NBR1: variants seen among roughly 807,000 people sequenced by gnomAD.
NBR1 encodes the protein NBR1 autophagy cargo receptor.
In NBR1, 59 loss-of-function variants were observed where a neutral mutation model predicts 115.5. The observed-to-expected ratio is 0.51, with a 90% CI of 0.41 to 0.63. The LOEUF (loss-of-function observed/expected upper bound fraction) is 0.63. Ranked by LOEUF, NBR1 falls within the 30% of genes least tolerant of loss-of-function variation. The pLI is 0.00. For missense variants in NBR1, 1,043 were observed against 1,150.5 expected (o/e 0.91, Z 1.35); for synonymous variants, 373 against 414.7 (o/e 0.90, Z 1.22).
chr17:43,176,128 G>A, intron 2 of NBR1: 1 of 419,360 alleles, frequency 2.4e-6, no homozygotes, highest in East Asian at 4.0e-5. Flanking sequence ...AGAAAGGGAA[G>A]GTAAAATTGT....
At chr17:43,172,630 G>A (rs959403320) in intron 1 of NBR1, among the ~76,000 whole-genome samples, 5 of 152,094 alleles carry the variant, frequency 3.3e-5, no homozygotes, top group Non-Finnish European at 5.9e-5. Context: ...CAGGATTGTT[G>A]TTAAGAGACT....
chr17:43,178,001 A>G lies in NBR1; in HGVS notation c.165+3A>G. 1 of 1,573,708 alleles carries G rather than the reference A, an allele frequency of 6.4e-7. No individual in the cohort carries two copies. The highest frequency in any genetic ancestry group is 1.1e-5 in the South Asian group (1 of 90,174). On this transcript the variant is annotated splice_donor_region_variant and intron_variant, in intron 3 of 20. Transcript: ENST00000590996. ...ACCTGGATGAGGAAAATGAAGAGGT[A>G]AAATATATTATGGCACTTATTGCTA... is the stretch of plus-strand genomic sequence containing the variant.
rs200135450 is a variant in NBR1, at chr17:43,193,119, G to A, written c.1099G>A (p.Val367Ile). 115 of 1,613,818 alleles carry A rather than the reference G, an allele frequency of 7.1e-5. No homozygotes were observed. In the African/African-American group the frequency reaches 9.7e-4, roughly 14 times the overall value. The change falls in exon 11 of 21, where the codon GTT becomes ATT. Residue 367 changes from valine (V) to isoleucine (I), a missense_variant. Coordinates refer to ENST00000590996, the MANE Select transcript of NBR1 (RefSeq NM_005899.5). The part of the protein sequence containing the change: ...LMLPLQPCTS[V>I]MPMLSAAFVD... Reference sequence around the variant, plus strand: ...GCTCCCTTTGCAGCCCTGTACCTCCGTTATGCCAATGCTCAGTGCAGCATT... The same window carrying A: ...GCTCCCTTTGCAGCCCTGTACCTCCATTATGCCAATGCTCAGTGCAGCATT...
intron 20 of NBR1, among the ~76,000 whole-genome samples, chr17:43,206,738 G>A (rs2057325632): frequency 2.6e-5 from 4 of 151,878 alleles, no homozygotes; most frequent in Non-Finnish European, 4.4e-5. Flanking sequence ...GATGGAAATG[G>A]CATAACTTTG....
In NBR1 at chr17:43,193,109, C is replaced by T; in HGVS notation, c.1089C>T (p.Pro363=). Residue 363 remains proline, a synonymous_variant, in exon 11 of 21, where the codon CCC becomes CCT. Coordinates refer to ENST00000590996, the MANE Select transcript of NBR1 (RefSeq NM_005899.5). The part of the protein sequence containing the change: ...QSNTLMLPLQ[P]CTSVMPMLSA... ...TTCTGTTCAGGCTCCCTTTGCAGCC[C>T]TGTACCTCCGTTATGCCAATGCTCA... The T allele has an allele frequency of 6.2e-7, 1 of 1,613,936 alleles. No individual in the cohort carries two copies. The highest frequency in any genetic ancestry group is 8.5e-7 in the Non-Finnish European group (1 of 1,179,864).
At chr17:43,175,224 G>A (rs1481306345) in intron 1 of NBR1, among the ~76,000 whole-genome samples, 7 of 152,188 alleles carry the variant, frequency 4.6e-5, no homozygotes, top group African/African-American at 7.2e-5. Context: ...TGGCCTGTAA[G>A]TTCGTAAAAC....
intron 5 of NBR1, among the ~76,000 whole-genome samples, chr17:43,185,961 A>G (rs996631766): frequency 6.6e-6 from 1 of 152,036 alleles, no homozygotes. Flanking sequence ...AGACCGTGCC[A>G]TTGCACTCCA....
At chr17:43,188,717 A>C (rs1163985922) in intron 6 of NBR1, among the ~76,000 whole-genome samples, 1 of 152,180 alleles carries the variant, frequency 6.6e-6, no homozygotes, top group African/African-American at 2.4e-5. Flanking sequence ...TAAATAGGGA[A>C]TCCTTTCCCC....
At chr17:43,188,541 A>G (rs1012506104) in intron 6 of NBR1, among the ~76,000 whole-genome samples, 7 of 152,108 alleles carry the variant, frequency 4.6e-5, no homozygotes, top group African/African-American at 1.2e-4. Flanking sequence ...GCCCCTGCCT[A>G]TGTCCTAAAT....
intron 6 of NBR1, among the ~76,000 whole-genome samples, chr17:43,187,011 T>C (rs1294409947): frequency 1.3e-5 from 2 of 152,184 alleles, no homozygotes; most frequent in Non-Finnish European, 2.9e-5. Context: ...GCAGAATGAT[T>C]TATAACCCTT....
chr17:43,191,758 G>T (rs1411144725), intron 10 of NBR1, among the ~76,000 whole-genome samples, 177 bp downstream of exon 10: 2 of 152,178 alleles, frequency 1.3e-5, no homozygotes, highest in African/African-American at 4.8e-5. Context: ...GTCTTGCTCT[G>T]TCACCCAGGC....
chr17:43,170,467 G>A (rs1324322870), upstream of NBR1: 2 of 154,056 alleles, frequency 1.3e-5, no homozygotes, highest in African/African-American at 2.4e-5. Flanking sequence ...TCCAGTTGCG[G>A]CTTATTACGT....
intron 20 of NBR1, among the ~76,000 whole-genome samples, chr17:43,207,945 G>A (rs542031487): frequency 2.0e-5 from 3 of 152,266 alleles, no homozygotes; most frequent in Non-Finnish European, 4.4e-5. Context: ...CCATCTGATG[G>A]AATGAGATGA....
Position 43,200,245 on chromosome 17 carries a change from T to C in NBR1, c.2105T>C (p.Met702Thr). 1 of 1,551,492 alleles carries C rather than the reference T, an allele frequency of 6.4e-7. No individual in the cohort carries two copies. The part of the protein sequence containing the change: ...IIHIAEEEAV[M>T]EEEEDEEDEE... ...CATATCGCTGAGGAAGAAGCTGTCA[T>C]GGAGGAGGAGGAGGATGAGGAGGAT... The change falls in exon 17 of 21, where the codon ATG becomes ACG. Residue 702 changes from methionine (M) to threonine (T), a missense_variant. Coordinates refer to ENST00000590996, the MANE Select transcript of NBR1 (RefSeq NM_005899.5).
chr17:43,194,203 T>A, intron 12 of NBR1, 147 bp from the exon 13 acceptor site: 1 of 766,718 alleles, frequency 1.3e-6, no homozygotes. Context: ...TTTTTACAAC[T>A]TTTTCTATAA....
chr17:43,200,754 G>A, intron 17 of NBR1, 146 bp downstream of exon 17: 2 of 679,584 alleles, frequency 2.9e-6, no homozygotes, highest in Non-Finnish European at 4.8e-6. Flanking sequence ...AATAAAAGTT[G>A]TATTTCCCAG....
chr17:43,176,165 C>T (rs1597963320), intron 2 of NBR1: 4 of 347,908 alleles, frequency 1.1e-5, no homozygotes, highest in Admixed American at 9.2e-5. Context: ...TTTAGAAAAC[C>T]TATTAATTTT....
rs765801257 is a variant in NBR1, at chr17:43,196,996, CAGA to C, written c.1923_1925del (p.Glu641del). 7.4e-6 allele frequency: 12 copies of C among 1,613,892 alleles called. No homozygotes were observed. The highest frequency in any genetic ancestry group is 1.3e-5 in the African/African-American group (1 of 74,922). On this transcript the variant is annotated inframe_deletion, in exon 16 of 21. Transcript: ENST00000590996. ...GAGAACATTGCTTCTGTGGAGGAAG[CAGA>C]AGAAGACCTGAGTGGGACCCAGTTT...
chr17:43,196,567 G>T lies in NBR1; in HGVS notation c.1837G>T (p.Gly613Trp), dbSNP rs1436342181. 6.2e-7 allele frequency: 1 copy of T among 1,604,296 alleles called. No homozygotes were observed. The highest frequency in any genetic ancestry group is 8.5e-7 in the Non-Finnish European group (1 of 1,175,952). ...GLGQIEEENE[G>W]AGFKALPDSM... is the part of the protein sequence containing the mutation. Reference sequence around the variant, plus strand: ...GGGGCAGATAGAGGAAGAGAATGAAGGGGCAGGATTTAAAGCACTTCCTGG... The same window carrying T: ...GGGGCAGATAGAGGAAGAGAATGAATGGGCAGGATTTAAAGCACTTCCTGG... The change falls in exon 15 of 21, where the codon GGG (glycine) becomes TGG (tryptophan). Residue 613 changes from glycine (G) to tryptophan (W), a missense_variant. Transcript: ENST00000590996.
Sources: allele counts gnomAD v4.1 joint callset (sites outside exome capture counted in the v4.1 genomes callset), GRCh38; gene constraint gnomAD v4.1.1; transcripts MANE v1.5; gene names NCBI Gene and HGNC (gene_info 2026-07-23, HGNC 2026-07-21).